Variants in SDK1 observed in about 807,000 individuals in gnomAD.
The protein encoded by SDK1 is protein sidekick-1.
Under a neutral mutation model 245.5 loss-of-function variants are expected in SDK1, and 157 were observed. The observed-to-expected ratio is 0.64, with a 90% CI of 0.56 to 0.73. SDK1 has a LOEUF of 0.73. SDK1 is among the 30% of genes least tolerant of loss of function. The probability of loss-of-function intolerance (pLI) is 0.00; values close to 1 mark genes in which losing one functional copy is unlikely to be tolerated. For missense variants in SDK1, 3,583 were observed against 3,002.3 expected (o/e 1.19, Z -4.52); for synonymous variants, 1,647 against 1,278.5 (o/e 1.29, Z -6.15).
chr7:3,412,490 T>A (rs1474978267), intron 1 of SDK1, among the ~76,000 whole-genome samples: 1 of 152,248 alleles, frequency 6.6e-6, no homozygotes, highest in Non-Finnish European at 1.5e-5. Flanking sequence ...AATGTTCCTT[T>A]ATGTGTTTAT....
intron 5 of SDK1, among the ~76,000 whole-genome samples, chr7:3,907,525 A>C (rs1412341030): frequency 1.3e-5 from 2 of 152,168 alleles, no homozygotes; most frequent in Non-Finnish European, 2.9e-5. Flanking sequence ...GTTCATGTAC[A>C]TATAGGTTGT....
At chr7:3,396,129 C>T (rs1244647072) in intron 1 of SDK1, among the ~76,000 whole-genome samples, 1 of 151,808 alleles carries the variant, frequency 6.6e-6, no homozygotes, top group Non-Finnish European at 1.5e-5. Context: ...AGCTGCATCT[C>T]ATACACTTGG....
chr7:3,465,674 T>G (rs915078057), intron 1 of SDK1, among the ~76,000 whole-genome samples: 1 of 152,170 alleles, frequency 6.6e-6, no homozygotes, highest in African/African-American at 2.4e-5. Context: ...GTTGGGCCTG[T>G]GTTCTCTTGT....
At chr7:3,714,742 C>G (rs187035098) in intron 4 of SDK1, among the ~76,000 whole-genome samples, 1 of 152,286 alleles carries the variant, frequency 6.6e-6, no homozygotes, top group African/African-American at 2.4e-5. Flanking sequence ...ATGCTTGAAG[C>G]GTTGAGTGTC....
chr7:3,514,874 A>T (rs934168831), intron 1 of SDK1, among the ~76,000 whole-genome samples: 1 of 152,102 alleles, frequency 6.6e-6, no homozygotes. Context: ...GCATGCGTGC[A>T]TGCGTGCGCT....
intron 28 of SDK1, 21 bp downstream of exon 28, chr7:4,132,444 G>C (rs368318626): frequency 6.4e-7 from 1 of 1,550,394 alleles, no homozygotes; most frequent in Admixed American, 1.7e-5. Context: ...GGCGGTGGCC[G>C]GGCGTGGTGG....
chr7:3,573,190 C>T (rs1780172325), intron 1 of SDK1, among the ~76,000 whole-genome samples: 1 of 152,084 alleles, frequency 6.6e-6, no homozygotes, highest in African/African-American at 2.4e-5. Context: ...GAAGATTACC[C>T]TGGTCTCAGA....
intron 1 of SDK1, among the ~76,000 whole-genome samples, chr7:3,420,389 G>A (rs755048744): frequency 1.3e-5 from 2 of 152,102 alleles, no homozygotes; most frequent in African/African-American, 2.4e-5. Context: ...TTCTGTTCTT[G>A]GATTTTTCCT....
At chr7:3,951,360 T>G (rs1249509853) in intron 6 of SDK1, among the ~76,000 whole-genome samples, 2 of 152,142 alleles carry the variant, frequency 1.3e-5, no homozygotes, top group African/African-American at 4.8e-5. Flanking sequence ...TCAGCCAAGG[T>G]GTTCTCTGCC....
intron 35 of SDK1, among the ~76,000 whole-genome samples, chr7:4,198,502 C>T (rs759066726): frequency 8.5e-5 from 13 of 152,210 alleles, no homozygotes; most frequent in Non-Finnish European, 8.8e-5. Flanking sequence ...AACAGCTCAG[C>T]GGCCAAGCCT....
Position 3,332,251 on chromosome 7 carries a change from G to T in SDK1, c.298+30367G>T, listed in dbSNP as rs564377903. Among the ~76,000 whole-genome samples the T allele has an allele frequency of 3.3e-5, 5 of 152,064 alleles. No homozygotes were observed. The South Asian group carries it at 1.0e-3, about 32-fold the overall frequency. ...TTTTAAGTCTCCTTATTTTATTCTC[G>T]ATGATTAATGTACAGGGCGTGGCTT... On this transcript the variant is annotated intron_variant, in intron 1 of 44. Transcript: ENST00000404826.
intron 14 of SDK1, among the ~76,000 whole-genome samples, chr7:3,994,202 T>C (rs992366169): frequency 6.6e-6 from 1 of 152,216 alleles, no homozygotes; most frequent in African/African-American, 2.4e-5. Context: ...TGTGTATTTC[T>C]AACCTAGACC....
chr7:3,706,206 G>A (rs117416275), intron 4 of SDK1, among the ~76,000 whole-genome samples: 1 of 152,098 alleles, frequency 6.6e-6, no homozygotes, highest in East Asian at 1.9e-4. Flanking sequence ...ATTCATCAAG[G>A]ATATTGGTCT....
chr7:4,095,675 C>T (rs1257765989), intron 22 of SDK1, among the ~76,000 whole-genome samples: 2 of 152,158 alleles, frequency 1.3e-5, no homozygotes, highest in African/African-American at 2.4e-5. Flanking sequence ...TGGGTTCAAG[C>T]GATTCTGCTG....
chr7:4,066,423 C>G (rs1429224644), intron 19 of SDK1, among the ~76,000 whole-genome samples: 1 of 152,228 alleles, frequency 6.6e-6, no homozygotes, highest in Non-Finnish European at 1.5e-5. Flanking sequence ...CACTGTCTCT[C>G]TTCCCCTCAT....
chr7:3,329,453 G>A (rs1455998973), intron 1 of SDK1, among the ~76,000 whole-genome samples: 1 of 152,138 alleles, frequency 6.6e-6, no homozygotes, highest in Non-Finnish European at 1.5e-5. Flanking sequence ...TCAGAGTTGT[G>A]CAACTCTCAG....
At chr7:3,473,023 T>C (rs1011014050) in intron 1 of SDK1, among the ~76,000 whole-genome samples, 5 of 152,214 alleles carry the variant, frequency 3.3e-5, no homozygotes, top group African/African-American at 1.2e-4. Context: ...CTTTTGCTGC[T>C]CTTCTTCCGC....
intron 4 of SDK1, among the ~76,000 whole-genome samples, chr7:3,735,336 C>T (rs1583355653): frequency 6.6e-6 from 1 of 152,150 alleles, no homozygotes; most frequent in Non-Finnish European, 1.5e-5. Flanking sequence ...CCCCTTCCCC[C>T]ACAGCCCCAG....
At chr7:3,557,705 C>A (rs952278437) in intron 1 of SDK1, among the ~76,000 whole-genome samples, 2 of 152,162 alleles carry the variant, frequency 1.3e-5, no homozygotes, top group Non-Finnish European at 2.9e-5. Context: ...TACTCAGAAT[C>A]TCTTTGTATT....
Sources: gnomAD v4.1 joint callset for allele counts (sites outside exome capture counted in the v4.1 genomes callset) on GRCh38, gnomAD v4.1.1 for gene constraint, MANE v1.5 for transcripts, NCBI Gene and HGNC (gene_info 2026-07-23, HGNC 2026-07-21) for gene names.